KIAA0825: variants seen among roughly 807,000 people sequenced by gnomAD.
KIAA0825 encodes uncharacterized protein KIAA0825.
KIAA0825 carries 119 observed loss-of-function variants against 147.6 expected under a neutral mutation model. The observed-to-expected ratio is 0.81, with a 90% confidence interval of 0.69 to 0.94. The LOEUF (loss-of-function observed/expected upper bound fraction) is 0.94. Among genes scored for constraint, KIAA0825 ranks in the 40% least tolerant of loss-of-function variants. The pLI is 0.00. For missense variants in KIAA0825, 1,381 were observed against 1,472.7 expected (o/e 0.94, Z 1.02); for synonymous variants, 470 against 518.1 (o/e 0.91, Z 1.26).
intron 1 of KIAA0825, among the ~76,000 whole-genome samples, chr5:94,616,161 T>C (rs931722656): frequency 6.6e-6 from 1 of 152,188 alleles, no homozygotes; most frequent in African/African-American, 2.4e-5. Flanking sequence ...CCCTGAGATC[T>C]GCCTACGGGA....
intron 3 of KIAA0825, among the ~76,000 whole-genome samples, chr5:94,531,797 A>G (rs565276288): frequency 6.6e-6 from 1 of 152,324 alleles, no homozygotes; most frequent in African/African-American, 2.4e-5. Context: ...ACGATTGCAA[A>G]CATTAATTTG....
intron 1 of KIAA0825, among the ~76,000 whole-genome samples, chr5:94,603,605 C>T (rs1283338621): frequency 1.3e-5 from 2 of 152,026 alleles, no homozygotes; most frequent in African/African-American, 4.8e-5. Flanking sequence ...GGGATAAATG[C>T]CCCAATTAAA....
At chr5:94,351,338 C>A (rs748700599) in intron 20 of KIAA0825, among the ~76,000 whole-genome samples, 63 of 151,762 alleles carry the variant, frequency 4.2e-4, no homozygotes, top group Non-Finnish European at 8.0e-4. Flanking sequence ...GAAAAAACAA[C>A]AACAACAACA....
intron 20 of KIAA0825, among the ~76,000 whole-genome samples, chr5:94,334,320 T>G (rs1034941560): frequency 4.6e-5 from 7 of 152,240 alleles, no homozygotes; most frequent in African/African-American, 1.2e-4. Context: ...AAACATCTAT[T>G]TGTAGATGAT....
chr5:94,552,133 G>C (rs541651681), intron 2 of KIAA0825, among the ~76,000 whole-genome samples: 1 of 152,064 alleles, frequency 6.6e-6, no homozygotes, highest in Admixed American at 6.5e-5. Context: ...AGTTATATCA[G>C]ATAAAAATAC....
intron 20 of KIAA0825, among the ~76,000 whole-genome samples, chr5:94,316,003 T>C: frequency 6.6e-6 from 1 of 151,768 alleles, no homozygotes; most frequent in East Asian, 1.9e-4. Flanking sequence ...AGCAAATCCA[T>C]GTGTATTTTG....
chr5:94,609,333 A>G (rs140812525), intron 1 of KIAA0825, among the ~76,000 whole-genome samples: 1 of 152,318 alleles, frequency 6.6e-6, no homozygotes, highest in African/African-American at 2.4e-5. Flanking sequence ...CCACTCTTCC[A>G]CTAAAATTTT....
At chr5:94,572,157 C>A (rs907051854) in intron 2 of KIAA0825, among the ~76,000 whole-genome samples, 3 of 151,186 alleles carry the variant, frequency 2.0e-5, no homozygotes, top group Admixed American at 1.3e-4. Flanking sequence ...CACTCTATGG[C>A]AAGAGTAAAT....
At chr5:94,446,509 G>C (rs1757742695) in intron 13 of KIAA0825, among the ~76,000 whole-genome samples, 2 of 152,140 alleles carry the variant, frequency 1.3e-5, no homozygotes. Context: ...TTACCTATGT[G>C]AAAGAGAAAG....
chr5:94,444,658 A>C (rs1757513212), intron 13 of KIAA0825, among the ~76,000 whole-genome samples: 1 of 152,024 alleles, frequency 6.6e-6, no homozygotes, highest in Non-Finnish European at 1.5e-5. Flanking sequence ...AATAAATATC[A>C]CTTGCAGATT....
rs1383506424 is a variant in KIAA0825 at position 94,336,652 on chromosome 5, A to G, written c.3710+47716T>C. 5.3e-5 allele frequency among the ~76,000 whole-genome samples: 8 copies of G among 152,172 alleles called. No individual in the cohort carries two copies. In the East Asian group the frequency reaches 1.5e-3, roughly 29 times the overall value. The stretch of plus-strand genomic sequence containing the variant: ...TATATGTGCCACATTTTCTTTATCT[A>G]GTCTATCATTGATGGACATTTGGGT... On this transcript the variant is annotated intron_variant, in intron 20 of 20. Coordinates refer to ENST00000682413, the MANE Select transcript of KIAA0825 (RefSeq NM_001145678.3).
At chr5:94,506,202 A>T (rs1765720536) in intron 5 of KIAA0825, among the ~76,000 whole-genome samples, 1 of 152,250 alleles carries the variant, frequency 6.6e-6, no homozygotes, top group African/African-American at 2.4e-5. Context: ...CCCATCCCGC[A>T]TGAATGCCTT....
chr5:94,355,375 G>C (rs531020172), intron 20 of KIAA0825, among the ~76,000 whole-genome samples: 1 of 152,244 alleles, frequency 6.6e-6, no homozygotes, highest in South Asian at 2.1e-4. Flanking sequence ...ATACAGCAAA[G>C]AAACATGTTT....
intron 5 of KIAA0825, among the ~76,000 whole-genome samples, chr5:94,506,983 T>C (rs1305571670): frequency 2.0e-5 from 3 of 152,136 alleles, no homozygotes; most frequent in East Asian, 3.8e-4. Context: ...AACTCGTAAT[T>C]GCATTATATT....
At chr5:94,172,623 C>A (rs548352096) in intron 20 of KIAA0825, among the ~76,000 whole-genome samples, 2 of 152,148 alleles carry the variant, frequency 1.3e-5, no homozygotes, top group East Asian at 3.9e-4. Context: ...GAGCAAGCTT[C>A]TTTAAGTTAG....
At chr5:94,476,017 C>T (rs1270094564) in intron 7 of KIAA0825, among the ~76,000 whole-genome samples, 6 of 152,146 alleles carry the variant, frequency 3.9e-5, no homozygotes, top group East Asian at 3.8e-4. Context: ...CTTCTATGCA[C>T]GAAGTAGATA....
intron 5 of KIAA0825, among the ~76,000 whole-genome samples, chr5:94,486,957 A>G (rs1488260113): frequency 6.6e-6 from 1 of 152,208 alleles, no homozygotes; most frequent in Non-Finnish European, 1.5e-5. Context: ...GAAATTAAGC[A>G]TGTTTAAGAA....
chr5:94,466,127 T>A (rs1032543317), intron 10 of KIAA0825, among the ~76,000 whole-genome samples: 18 of 147,530 alleles, frequency 1.2e-4, no homozygotes, highest in African/African-American at 4.5e-4. Flanking sequence ...AAATGTCATG[T>A]AAAAAAAAAA....
Position 94,371,874 on chromosome 5 carries a change from G to T in KIAA0825, c.3710+12494C>A, listed in dbSNP as rs183564079. ...AGTCCAAAGTCTCATCTGAAACAAG[G>T]CAAGTCCCTCAGCCTATAAGCCTGT... On this transcript the variant is annotated intron_variant, in intron 20 of 20. Transcript: ENST00000682413. Among the ~76,000 whole-genome samples, 397 of 152,162 alleles carry T rather than the reference G, an allele frequency of 2.6e-3. 1 individual carries two copies. The highest frequency in any genetic ancestry group is 0.014 in the Middle Eastern group (4 of 294).
Sources: gnomAD v4.1 joint callset for allele counts (sites outside exome capture counted in the v4.1 genomes callset) on GRCh38, gnomAD v4.1.1 for gene constraint, MANE v1.5 for transcripts, NCBI Gene and HGNC (gene_info 2026-07-23, HGNC 2026-07-21) for gene names.